The following MYOCD variants were observed in gnomAD, a reference collection of about 807,000 sequenced individuals.
MYOCD encodes myocardin.
A neutral mutation model predicts 96.1 loss-of-function variants in MYOCD; 32 were observed. The observed-to-expected ratio is 0.33, with a 90% CI of 0.25 to 0.45. The LOEUF (loss-of-function observed/expected upper bound fraction) is 0.45, where lower values mean the gene tolerates loss of function less well. MYOCD is among the 20% of genes least tolerant of loss of function. The probability of loss-of-function intolerance (pLI) is 1.00; values close to 1 mark genes in which losing one functional copy is unlikely to be tolerated. For missense variants in MYOCD, 1,133 were observed against 1,200.6 expected (o/e 0.94, Z 0.83); for synonymous variants, 469 against 469.0 (o/e 1.00, Z 0.00).
rs952565560 is a variant in MYOCD, at chr17:12,700,399, A to ATTTTTTTTTTTTTTTTTTTT, written c.56-4719_56-4700dup. Reference sequence around the variant, plus strand: ...ATTGGCTAACTCTAGCAATGGGAGAATTTTTTTTTTTTTTTTTTTTTTTTT... The same window carrying ATTTTTTTTTTTTTTTTTTTT: ...ATTGGCTAACTCTAGCAATGGGAGAATTTTTTTTTTTTTTTTTTTTTTTTTTTTTTTTTTTTTTTTTTTTT... On this transcript the variant is annotated intron_variant, in intron 1 of 13. Coordinates refer to ENST00000425538, the MANE Select transcript of MYOCD (RefSeq NM_001146312.3). 1.3e-4 allele frequency among the ~76,000 whole-genome samples: 10 copies of ATTTTTTTTTTTTTTTTTTTT among 76,892 alleles called. 1 individual carries two copies. Among genetic ancestry groups the ATTTTTTTTTTTTTTTTTTTT allele is most frequent in the African/African-American group, 1.9e-4 (3 of 16,018 alleles). The allele number at this position is 76,892 out of a possible 152,430, so 50.4% of individuals were successfully genotyped here. A position where few individuals can be genotyped will look rare whatever the true frequency, so the allele number is the denominator to read the frequency against.
chr17:12,689,014 G>T (rs1355918927), intron 1 of MYOCD, among the ~76,000 whole-genome samples: 2 of 152,132 alleles, frequency 1.3e-5, no homozygotes, highest in Non-Finnish European at 2.9e-5. Context: ...CAAACACGTT[G>T]TTCTTAAAAT....
At chr17:12,679,663 T>C (rs1369799721) in intron 1 of MYOCD, among the ~76,000 whole-genome samples, 1 of 152,168 alleles carries the variant, frequency 6.6e-6, no homozygotes, top group Non-Finnish European at 1.5e-5. Context: ...TGTGCTACAG[T>C]AACACCGAGG....
In MYOCD at chr17:12,766,877, G is replaced by A. The variant is rs937685727; in HGVS notation, c.*3233G>A. ...TTATTCGTGCAAGTGCTTGCAGGAA[G>A]CCAGTGCTTATTAGTAGTGACCCTG... On this transcript the variant is annotated 3_prime_UTR_variant, in exon 14 of 14. Coordinates refer to ENST00000425538, the MANE Select transcript of MYOCD (RefSeq NM_001146312.3). 2 of 152,072 alleles carry A rather than the reference G, an allele frequency of 1.3e-5. No individual in the cohort carries two copies. The highest frequency in any genetic ancestry group is 2.9e-5 in the Non-Finnish European group (2 of 68,026). 9.4% of individuals were successfully genotyped at this position (152,072 alleles called of 1,614,324 possible). A position where few individuals can be genotyped will look rare whatever the true frequency, so the allele number is the denominator to read the frequency against.
chr17:12,753,447 G>T, intron 10 of MYOCD, 101 bp downstream of exon 10: 1 of 1,091,894 alleles, frequency 9.2e-7, no homozygotes. Context: ...TCAATGGGAA[G>T]GGTTTACCAA....
At chr17:12,730,452 A>AC (rs1461855984) in intron 5 of MYOCD, among the ~76,000 whole-genome samples, 1 of 152,086 alleles carries the variant, frequency 6.6e-6, no homozygotes, top group East Asian at 1.9e-4. Context: ...ATCTCAAAAA[A>AC]AAAAAAAAAA....
chr17:12,761,410 A>C (rs1013697469), intron 13 of MYOCD: 1 of 89,362 alleles, frequency 1.1e-5, no homozygotes, highest in Non-Finnish European at 3.1e-5. Flanking sequence ...CCGTGCTATG[A>C]TCAGACAAGA....
chr17:12,744,815 T>C (rs2032615326), intron 8 of MYOCD, among the ~76,000 whole-genome samples: 1 of 152,222 alleles, frequency 6.6e-6, no homozygotes, highest in South Asian at 2.1e-4. Flanking sequence ...AGAACAATTA[T>C]AGCAAGATAC....
chr17:12,666,386 A>G (rs1801772833), intron 1 of MYOCD, 143 bp downstream of exon 1: 8 of 678,248 alleles, frequency 1.2e-5, no homozygotes, highest in Non-Finnish European at 2.1e-5. Context: ...GGAAGCGAAG[A>G]GTTTTGTTTG....
At chr17:12,756,673 G>T in intron 11 of MYOCD, 116 bp downstream of exon 11, 2 of 552,136 alleles carry the variant, frequency 3.6e-6, no homozygotes, top group East Asian at 5.0e-5. Flanking sequence ...TCCAGCCCAG[G>T]TGACAGAGCG....
intron 5 of MYOCD, among the ~76,000 whole-genome samples, chr17:12,724,689 T>C (rs1267901436): frequency 1.3e-5 from 2 of 152,136 alleles, no homozygotes; most frequent in African/African-American, 4.8e-5. Context: ...CTTTTATTTT[T>C]ACATTTAAAT....
intron 1 of MYOCD, among the ~76,000 whole-genome samples, chr17:12,693,652 ATAAAAT>A (rs1441140220): frequency 1.3e-5 from 2 of 148,982 alleles, no homozygotes; most frequent in African/African-American, 4.9e-5. Flanking sequence ...ATAAAATAAA[ATAAAAT>A]AAAATAAAAT....
chr17:12,666,108 C>T lies in MYOCD; in HGVS notation c.-81C>T, dbSNP rs1290623523. 19 of 1,051,028 alleles carry T rather than the reference C, an allele frequency of 1.8e-5. No individual in the cohort carries two copies. The highest frequency in any genetic ancestry group is 3.1e-5 in the African/African-American group (2 of 63,960). 65.1% of individuals were successfully genotyped at this position (1,051,028 alleles called of 1,614,324 possible). On this transcript the variant is annotated 5_prime_UTR_variant, in exon 1 of 14. Transcript: ENST00000425538. ...TGAATTCTGGGTTGTTAGCTGCGGT[C>T]AGCTGGGCTCCCGGGAGCCTGTTGC... is the stretch of plus-strand genomic sequence containing the variant.
intron 6 of MYOCD, 37 bp downstream of exon 6, chr17:12,736,373 AG>A: frequency 6.2e-7 from 1 of 1,602,406 alleles, no homozygotes; most frequent in South Asian, 1.1e-5. Context: ...AAAGTAAAAC[AG>A]CATCTCAGTG....
intron 1 of MYOCD, among the ~76,000 whole-genome samples, chr17:12,690,042 G>C (rs1312880306): frequency 6.6e-6 from 1 of 152,066 alleles, no homozygotes; most frequent in Admixed American, 6.6e-5. Context: ...ATTGCATATA[G>C]AGATGTTAAA....
chr17:12,748,770 A>T (rs1342964097), intron 9 of MYOCD, among the ~76,000 whole-genome samples: 3 of 152,240 alleles, frequency 2.0e-5, no homozygotes, highest in African/African-American at 4.8e-5. Context: ...ATTCAAAATT[A>T]AAACAATAAT....
chr17:12,756,613 T>G, intron 11 of MYOCD, 56 bp downstream of exon 11: 2 of 1,475,588 alleles, frequency 1.4e-6, no homozygotes, highest in Non-Finnish European at 1.8e-6. Flanking sequence ...TTCTCTCTTC[T>G]GTAACCCGGG....
chr17:12,736,195 T>G lies in MYOCD; in HGVS notation c.450T>G (p.Ala150=), dbSNP rs572318263. 1 of 1,614,134 alleles carries G rather than the reference T, an allele frequency of 6.2e-7. No individual in the cohort carries two copies. Among genetic ancestry groups the G allele is most frequent in the South Asian group, 1.1e-5 (1 of 91,082 alleles). Residue 150 remains alanine, a synonymous_variant, in exon 6 of 14, where the codon GCT becomes GCG. Coordinates refer to ENST00000425538, the MANE Select transcript of MYOCD (RefSeq NM_001146312.3). ...NQVSFSKSTD[A]FAFEEDSSSD... ...TGAGTTTCTCCAAATCCACGGATGC[T>G]TTTGCCTTTGAAGAGGACAGCAGCA... is the stretch of plus-strand genomic sequence containing the variant.
chr17:12,699,126 A>AAT (rs1426502201), intron 1 of MYOCD, among the ~76,000 whole-genome samples: 13 of 147,164 alleles, frequency 8.8e-5, no homozygotes, highest in South Asian at 2.2e-4. Context: ...CTCCTCTGAT[A>AAT]ATATATATAT....
At chr17:12,704,964 T>G (rs1449328706) in intron 1 of MYOCD, 164 bp from the exon 2 acceptor site, 9 of 598,126 alleles carry the variant, frequency 1.5e-5, no homozygotes, top group Non-Finnish European at 2.4e-5. Context: ...TCAGCTTCTC[T>G]CCTTCTTCTT....
Sources: gnomAD v4.1 joint callset for allele counts (sites outside exome capture counted in the v4.1 genomes callset) on GRCh38, gnomAD v4.1.1 for gene constraint, MANE v1.5 for transcripts, NCBI Gene and HGNC (gene_info 2026-07-23, HGNC 2026-07-21) for gene names.